KCTD8: variants seen among roughly 807,000 people sequenced by gnomAD.
KCTD8 encodes potassium channel tetramerization domain containing 8.
A neutral mutation model predicts 31.5 loss-of-function variants in KCTD8; 27 were observed. That is an observed-to-expected ratio of 0.86 (90% CI 0.63 to 1.18). The LOEUF is 1.18. Ranked by LOEUF, KCTD8 falls within the 50% of genes most tolerant of loss-of-function variation. The probability of loss-of-function intolerance (pLI) is 0.00; values close to 1 mark genes in which losing one functional copy is unlikely to be tolerated. For synonymous variants in KCTD8, 290 were observed against 280.0 expected (o/e 1.04, Z -0.36); for missense variants, 658 against 647.7 (o/e 1.02, Z -0.17).
chr4:44,226,012 T>C (rs1445302268), intron 1 of KCTD8, among the ~76,000 whole-genome samples: 2 of 151,976 alleles, frequency 1.3e-5, no homozygotes, highest in Admixed American at 6.6e-5. Context: ...GTATTTTTAG[T>C]AGAGATGGGG....
At chr4:44,234,703 C>A (rs979512671) in intron 1 of KCTD8, among the ~76,000 whole-genome samples, 1 of 152,102 alleles carries the variant, frequency 6.6e-6, no homozygotes, top group Admixed American at 6.5e-5. Context: ...AGTTAATGAA[C>A]ATGTAAGAGG....
intron 1 of KCTD8, among the ~76,000 whole-genome samples, chr4:44,239,678 A>G (rs1351476815): frequency 2.6e-5 from 4 of 152,208 alleles, no homozygotes; most frequent in African/African-American, 9.6e-5. Context: ...CACTTCAAAG[A>G]TATTTTATCA....
At chr4:44,370,432 T>C (rs757930021) in intron 1 of KCTD8, among the ~76,000 whole-genome samples, 1 of 152,308 alleles carries the variant, frequency 6.6e-6, no homozygotes, top group East Asian at 1.9e-4. Flanking sequence ...TAATTAGCAA[T>C]GGGCTAAAAA....
rs377452048 is a variant in KCTD8, at chr4:44,382,157, T to C, written c.961+65406A>G. 2.6e-4 allele frequency among the ~76,000 whole-genome samples: 39 copies of C among 152,094 alleles called. No individual in the cohort carries two copies. In the Middle Eastern group the frequency reaches 0.014, roughly 53 times the overall value. ...AACTACAATACCCCACTCTCCACTCTCCACATTGGACAGATTACCTAGACA... is the reference window on the plus strand; with the variant it reads ...AACTACAATACCCCACTCTCCACTCCCCACATTGGACAGATTACCTAGACA... On this transcript the variant is annotated intron_variant, in intron 1 of 1. Coordinates refer to ENST00000360029, the MANE Select transcript of KCTD8 (RefSeq NM_198353.3).
chr4:44,235,304 C>A (rs1577845330), intron 1 of KCTD8, among the ~76,000 whole-genome samples: 1 of 149,046 alleles, frequency 6.7e-6, no homozygotes, highest in Non-Finnish European at 1.5e-5. Flanking sequence ...AGTCACCCAG[C>A]AAGAAAGTAG....
intron 1 of KCTD8, among the ~76,000 whole-genome samples, chr4:44,354,831 A>G (rs1719301284): frequency 6.6e-6 from 1 of 152,146 alleles, no homozygotes. Context: ...GAGCCTGTAA[A>G]ACATTTAGCA....
At chr4:44,406,466 G>A (rs1577658370) in intron 1 of KCTD8, among the ~76,000 whole-genome samples, 2 of 152,190 alleles carry the variant, frequency 1.3e-5, no homozygotes, top group South Asian at 2.1e-4. Context: ...AGTCTCATGA[G>A]ATCTGATGGT....
intron 1 of KCTD8, among the ~76,000 whole-genome samples, chr4:44,355,408 T>C (rs898430016): frequency 4.6e-5 from 7 of 152,126 alleles, no homozygotes; most frequent in Non-Finnish European, 1.0e-4. Flanking sequence ...TTCTTTCGTC[T>C]TTTCCTCATT....
At chr4:44,446,779 C>T (rs1044573705) in intron 1 of KCTD8, among the ~76,000 whole-genome samples, 20 of 152,174 alleles carry the variant, frequency 1.3e-4, no homozygotes, top group African/African-American at 4.6e-4. Flanking sequence ...CCCTCCCTCC[C>T]CAACACCTTC....
chr4:44,316,378 A>C (rs749341455), intron 1 of KCTD8, among the ~76,000 whole-genome samples: 52 of 151,824 alleles, frequency 3.4e-4, no homozygotes, highest in Non-Finnish European at 1.0e-4. Context: ...TGTTCTCTGC[A>C]TTATCTCTAT....
chr4:44,249,487 T>C (rs1056683913), intron 1 of KCTD8, among the ~76,000 whole-genome samples: 6 of 151,824 alleles, frequency 4.0e-5, no homozygotes, highest in Non-Finnish European at 7.4e-5. Flanking sequence ...ATTTAGAATT[T>C]TCAGGCCATA....
chr4:44,444,371 G>T (rs1230490339), intron 1 of KCTD8, among the ~76,000 whole-genome samples: 1 of 152,090 alleles, frequency 6.6e-6, no homozygotes, highest in African/African-American at 2.4e-5. Context: ...TTCAAAGAAA[G>T]AAATTAGTTA....
intron 1 of KCTD8, among the ~76,000 whole-genome samples, chr4:44,235,312 T>C (rs1410083073): frequency 6.6e-6 from 1 of 150,474 alleles, no homozygotes; most frequent in Non-Finnish European, 1.5e-5. Flanking sequence ...AGCAAGAAAG[T>C]AGCAAAATTG....
In KCTD8 at chr4:44,251,924, TC is replaced by T. The variant is rs539826566; in HGVS notation, c.962-76675del. On this transcript the variant is annotated intron_variant, in intron 1 of 1. Transcript: ENST00000360029. ...GTGGTTTTTACTTACATGAATAAGT[TC>T]TTTAGTGGTGACTTCTGAGATTCTG... Among the ~76,000 whole-genome samples the T allele has an allele frequency of 2.6e-3, 393 of 151,736 alleles. 3 individuals carry two copies. The highest frequency in any genetic ancestry group is 4.0e-3 in the Admixed American group (61 of 15,192).
intron 1 of KCTD8, among the ~76,000 whole-genome samples, chr4:44,238,620 C>T (rs1286472587): frequency 6.6e-6 from 1 of 152,104 alleles, no homozygotes; most frequent in Non-Finnish European, 1.5e-5. Flanking sequence ...TCTTAGGATA[C>T]AGAATTTTAG....
chr4:44,347,610 C>CA (rs1719067733), intron 1 of KCTD8, among the ~76,000 whole-genome samples: 1 of 152,006 alleles, frequency 6.6e-6, no homozygotes, highest in Non-Finnish European at 1.5e-5. Context: ...CAAGAAAGCC[C>CA]AGTAAACCAT....
At chr4:44,402,849 G>C (rs1720698285) in intron 1 of KCTD8, among the ~76,000 whole-genome samples, 1 of 152,268 alleles carries the variant, frequency 6.6e-6, no homozygotes, top group South Asian at 2.1e-4. Flanking sequence ...CATTATGTGA[G>C]CCATCCAGAG....
At chr4:44,205,828 T>C (rs1714287827) in intron 1 of KCTD8, among the ~76,000 whole-genome samples, 1 of 152,228 alleles carries the variant, frequency 6.6e-6, no homozygotes. Flanking sequence ...TTGTTATCAC[T>C]GTTTGCAGAA....
chr4:44,434,238 T>A (rs977801970), intron 1 of KCTD8, among the ~76,000 whole-genome samples: 1 of 151,904 alleles, frequency 6.6e-6, no homozygotes, highest in Non-Finnish European at 1.5e-5. Context: ...TCAAGGCAAT[T>A]ACCTCCTTCT....
Sources: gnomAD v4.1 joint callset for allele counts (sites outside exome capture counted in the v4.1 genomes callset) on GRCh38, gnomAD v4.1.1 for gene constraint, MANE v1.5 for transcripts, NCBI Gene and HGNC (gene_info 2026-07-23, HGNC 2026-07-21) for gene names.